The following CNTNAP2 variants were observed in gnomAD, a reference collection of about 807,000 sequenced individuals.
CNTNAP2 encodes the protein contactin-associated protein-like 2.
Under a neutral mutation model 155.2 loss-of-function variants are expected in CNTNAP2, and 98 were observed. The ratio of observed to expected loss-of-function variants is 0.63; its 90% CI spans 0.54 to 0.75. CNTNAP2 has a LOEUF of 0.75. Among genes scored for constraint, CNTNAP2 ranks in the 30% least tolerant of loss-of-function variants. The probability of loss-of-function intolerance (pLI) is 0.00; values close to 1 mark genes in which losing one functional copy is unlikely to be tolerated. For synonymous variants in CNTNAP2, 651 were observed against 631.2 expected, an observed-to-expected ratio of 1.03 and a Z score of -0.47; for missense variants, 1,727 against 1,688.1, an observed-to-expected ratio of 1.02 and a Z score of -0.40.
intron 21 of CNTNAP2, among the ~76,000 whole-genome samples, chr7:148,316,490 C>T (rs1020453753): frequency 2.0e-5 from 3 of 152,046 alleles, no homozygotes; most frequent in Non-Finnish European, 2.9e-5. Context: ...TATATATTTA[C>T]GTGGTGCCTA....
intron 1 of CNTNAP2, among the ~76,000 whole-genome samples, chr7:146,356,076 C>T (rs970614000): frequency 6.8e-6 from 1 of 147,380 alleles, no homozygotes; most frequent in Non-Finnish European, 1.5e-5. Context: ...CACACACACA[C>T]ACACACACAC....
At chr7:146,910,959 G>GA (rs1400034618) in intron 3 of CNTNAP2, among the ~76,000 whole-genome samples, 4 of 151,042 alleles carry the variant, frequency 2.6e-5, no homozygotes, top group Admixed American at 6.6e-5. Flanking sequence ...AAATTTACAA[G>GA]AAAAAAACAA....
chr7:146,977,095 C>G (rs1042342391), intron 3 of CNTNAP2, among the ~76,000 whole-genome samples: 1 of 151,972 alleles, frequency 6.6e-6, no homozygotes, highest in Admixed American at 6.6e-5. Context: ...TAACAAAGGC[C>G]ACAGGAGTTA....
chr7:148,065,510 G>A (rs934066886), intron 15 of CNTNAP2, among the ~76,000 whole-genome samples: 1 of 152,114 alleles, frequency 6.6e-6, no homozygotes, highest in African/African-American at 2.4e-5. Context: ...ATATTTTCCT[G>A]TTGGACTAGT....
At chr7:147,283,347 A>T (rs1194792639) in intron 8 of CNTNAP2, among the ~76,000 whole-genome samples, 1 of 151,912 alleles carries the variant, frequency 6.6e-6, no homozygotes, top group Non-Finnish European at 1.5e-5. Flanking sequence ...GAACATACCT[A>T]TGTAACTAGT....
chr7:146,721,345 A>ATATATACATTC (rs1156436264), intron 1 of CNTNAP2, among the ~76,000 whole-genome samples: 2 of 129,018 alleles, frequency 1.6e-5, no homozygotes, highest in Non-Finnish European at 3.1e-5. Flanking sequence ...TATACATTCT[A>ATATATACATTC]TATATACATT....
intron 3 of CNTNAP2, among the ~76,000 whole-genome samples, chr7:146,931,704 A>C (rs1006489302): frequency 6.7e-6 from 1 of 148,430 alleles, no homozygotes; most frequent in Admixed American, 6.7e-5. Context: ...ACTAATAAAG[A>C]AAAAAAGAGA....
chr7:146,941,764 A>C (rs976621004), intron 3 of CNTNAP2, among the ~76,000 whole-genome samples: 8 of 148,852 alleles, frequency 5.4e-5, no homozygotes, highest in African/African-American at 1.7e-4. Context: ...TGGGTATGCT[A>C]CTCTTGGTTG....
At chr7:148,174,993 T>A (rs897108619) in intron 18 of CNTNAP2, among the ~76,000 whole-genome samples, 1 of 152,046 alleles carries the variant, frequency 6.6e-6, no homozygotes, top group African/African-American at 2.4e-5. Flanking sequence ...CAATTATGAG[T>A]GAGAACATGT....
At chr7:147,288,361 C>A (rs1270556902) in intron 8 of CNTNAP2, among the ~76,000 whole-genome samples, 4 of 152,136 alleles carry the variant, frequency 2.6e-5, no homozygotes, top group African/African-American at 4.8e-5. Context: ...TCAAACTATG[C>A]CAGTTGCATT....
At chr7:146,630,542 G>A (rs1196663276) in intron 1 of CNTNAP2, among the ~76,000 whole-genome samples, 1 of 152,034 alleles carries the variant, frequency 6.6e-6, no homozygotes, top group East Asian at 1.9e-4. Context: ...TTTAGATTTT[G>A]AGGAATCACC....
intron 14 of CNTNAP2, among the ~76,000 whole-genome samples, chr7:147,923,606 A>G (rs943640695): frequency 1.3e-5 from 2 of 151,960 alleles, no homozygotes; most frequent in Admixed American, 1.3e-4. Flanking sequence ...CTCAATTGCC[A>G]GGGCTCCAGC....
At chr7:146,758,520 A>G (rs1802030962) in intron 1 of CNTNAP2, among the ~76,000 whole-genome samples, 1 of 152,154 alleles carries the variant, frequency 6.6e-6, no homozygotes, top group African/African-American at 2.4e-5. Flanking sequence ...TAAGAACTTT[A>G]ATGGACTCAC....
intron 1 of CNTNAP2, among the ~76,000 whole-genome samples, chr7:146,433,419 A>G (rs1796198793): frequency 1.3e-5 from 2 of 152,190 alleles, no homozygotes; most frequent in Admixed American, 6.5e-5. Context: ...CTTAAACACA[A>G]TAAAACCGAC....
At chr7:147,144,831 G>T (rs746975929) in intron 8 of CNTNAP2, among the ~76,000 whole-genome samples, 1 of 152,148 alleles carries the variant, frequency 6.6e-6, no homozygotes, top group Non-Finnish European at 1.5e-5. Flanking sequence ...CTGTACATGC[G>T]TGCATTCTCA....
At chr7:146,156,717 C>G (rs1021072102) in intron 1 of CNTNAP2, among the ~76,000 whole-genome samples, 2 of 152,170 alleles carry the variant, frequency 1.3e-5, no homozygotes, top group African/African-American at 4.8e-5. Context: ...ACTCTCCTGC[C>G]TCAGCCTCCT....
chr7:147,822,620 C>G (rs190799987), intron 13 of CNTNAP2, among the ~76,000 whole-genome samples: 8 of 152,134 alleles, frequency 5.3e-5, no homozygotes, highest in Admixed American at 5.2e-4. Flanking sequence ...CCCTATTTAC[C>G]CACCTCAGCT....
At chr7:147,284,901 A>G (rs961031616) in intron 8 of CNTNAP2, among the ~76,000 whole-genome samples, 5 of 151,900 alleles carry the variant, frequency 3.3e-5, no homozygotes, top group Admixed American at 6.6e-5. Flanking sequence ...GAGCTGAAAC[A>G]TACAGAAGCT....
chr7:146,166,132 T>A (rs1208498592), intron 1 of CNTNAP2, among the ~76,000 whole-genome samples: 1 of 152,150 alleles, frequency 6.6e-6, no homozygotes, highest in African/African-American at 2.4e-5. Context: ...TCACTCTTGT[T>A]GCCCAGGCTG....
Sources: allele counts gnomAD v4.1 joint callset (sites outside exome capture counted in the v4.1 genomes callset), GRCh38; gene constraint gnomAD v4.1.1; transcripts MANE v1.5; gene names NCBI Gene and HGNC (gene_info 2026-07-23, HGNC 2026-07-21).